C5orf63: variants seen among roughly 807,000 people sequenced by gnomAD.
C5orf63 encodes the protein chromosome 5 open reading frame 63, also known as glutaredoxin-like protein C5orf63.
A neutral mutation model predicts 13.3 loss-of-function variants in C5orf63; 18 were observed. The ratio of observed to expected loss-of-function variants is 1.36; its 90% CI spans 0.94 to 2.01. C5orf63 has a LOEUF of 2.01. Ranked by LOEUF, C5orf63 falls within the 30% of genes most tolerant of loss-of-function variation. C5orf63 has a pLI of 0.00. For missense variants in C5orf63, 118 were observed against 127.7 expected (o/e 0.92, Z 0.36); for synonymous variants, 38 against 44.7 (o/e 0.85, Z 0.60).
intron 3 of C5orf63, among the ~76,000 whole-genome samples, chr5:127,056,763 G>A (rs917266931): frequency 2.6e-5 from 4 of 152,194 alleles, no homozygotes; most frequent in African/African-American, 7.2e-5. Flanking sequence ...AAATCAAGCT[G>A]TTCCTGAAAC....
chr5:127,057,807 T>G (rs1031014738), intron 3 of C5orf63, among the ~76,000 whole-genome samples: 2 of 152,180 alleles, frequency 1.3e-5, no homozygotes, highest in Non-Finnish European at 1.5e-5. Flanking sequence ...AGTGCCAGGA[T>G]TTTTGCATTT....
At chr5:127,070,210 G>A (rs919128985) in intron 2 of C5orf63, among the ~76,000 whole-genome samples, 3 of 152,072 alleles carry the variant, frequency 2.0e-5, no homozygotes, top group Non-Finnish European at 4.4e-5. Context: ...TTTGAACCTG[G>A]AGAAATGGCT....
At chr5:127,051,258 T>C, downstream of C5orf63, 1 of 1,169,694 alleles carries the variant, frequency 8.5e-7, no homozygotes, top group Non-Finnish European at 1.1e-6. Flanking sequence ...AACTCTAATT[T>C]TAAACAGGTA....
rs762384203 is a variant in C5orf63, at chr5:127,051,890, A to G, written c.229T>C (p.Tyr77His). 25 of 1,533,546 alleles carry G rather than the reference A, an allele frequency of 1.6e-5. No homozygotes were observed. The highest frequency in any genetic ancestry group is 1.7e-6 in the Non-Finnish European group (2 of 1,145,502). The allele number at this position is 1,533,546 out of a possible 1,614,324, so 95.0% of individuals were successfully genotyped here. Reference sequence around the variant, plus strand: ...TGAAAGACAGGAATATCAAATTTATACCTTTCATACCAGACAGAGTTTTCT... The same window carrying G: ...TGAAAGACAGGAATATCAAATTTATGCCTTTCATACCAGACAGAGTTTTCT... ...LPENSVWYER[Y>H]KFDIPVFHLN... The change falls in exon 5 of 5, where the codon TAT becomes CAT. Residue 77 changes from tyrosine to histidine, a missense_variant. By Grantham distance (83) the Tyr-to-His change is moderately conservative (BLOSUM62 2). Coordinates refer to ENST00000296662, the MANE Select transcript of C5orf63 (RefSeq NM_001164478.2).
At position 127,064,331 on chromosome 5, in the gene C5orf63, C is replaced by T. The variant is rs1580533204; in HGVS notation, c.-7-5329G>A. 2.0e-5 allele frequency among the ~76,000 whole-genome samples: 3 copies of T among 152,178 alleles called. No homozygotes were observed. The South Asian group carries it at 6.2e-4, about 31-fold the overall frequency. On this transcript the variant is annotated intron_variant, in intron 2 of 4. Coordinates refer to ENST00000296662, the MANE Select transcript of C5orf63 (RefSeq NM_001164478.2). ...CAACCTGGAGTGCAGCTCTAACTCA[C>T]TGGCATAGGTGAGATCAGAGGTGCT...
chr5:127,054,153 C>T lies in C5orf63; in HGVS notation c.115-1484G>A, dbSNP rs575855332. 3.9e-5 allele frequency among the ~76,000 whole-genome samples: 6 copies of T among 152,188 alleles called. No individual in the cohort carries two copies. The East Asian group carries it at 1.2e-3, about 29-fold the overall frequency. On this transcript the variant is annotated intron_variant, in intron 3 of 4. Transcript: ENST00000296662. ...TTTATATTAAGAATTTTAGAAGAATCTAGATTGGGTTTTTTGTTTTGTTTT... is the reference window on the plus strand; with the variant it reads ...TTTATATTAAGAATTTTAGAAGAATTTAGATTGGGTTTTTTGTTTTGTTTT...
intron 2 of C5orf63, among the ~76,000 whole-genome samples, chr5:127,068,849 GAACAGT>G (rs1206475181): frequency 2.0e-5 from 3 of 152,150 alleles, no homozygotes; most frequent in Admixed American, 6.5e-5. Context: ...TGCCAATCAA[GAACAGT>G]AATGTACGCT....
At chr5:127,058,758 T>C in intron 3 of C5orf63, 124 bp downstream of exon 3, 1 of 634,334 alleles carries the variant, frequency 1.6e-6, no homozygotes, top group Non-Finnish European at 2.7e-6. Flanking sequence ...GCTGTTGTGC[T>C]GATAGAAAAA....
downstream of C5orf63, among the ~76,000 whole-genome samples, chr5:127,049,454 T>G (rs980403100): frequency 2.0e-5 from 3 of 152,164 alleles, no homozygotes; most frequent in African/African-American, 7.2e-5. Context: ...AGACCTAGCT[T>G]AAGTCTAATT....
intron 4 of C5orf63, chr5:127,052,399 C>G (rs1232578033): frequency 5.1e-6 from 2 of 395,634 alleles, no homozygotes; most frequent in Non-Finnish European, 8.9e-6. Context: ...TCAGTAAGAG[C>G]CAGAGTAAGA....
downstream of C5orf63, among the ~76,000 whole-genome samples, chr5:127,048,072 G>A (rs1377404437): frequency 4.6e-5 from 7 of 152,056 alleles, no homozygotes; most frequent in East Asian, 3.9e-4. Context: ...AATTACTGGC[G>A]ATGTCTTGCC....
At chr5:127,054,113 T>C (rs1753788061) in intron 3 of C5orf63, among the ~76,000 whole-genome samples, 2 of 152,190 alleles carry the variant, frequency 1.3e-5, no homozygotes, top group Non-Finnish European at 2.9e-5. Flanking sequence ...GTACCAAATG[T>C]GCTAAAATTT....
At chr5:127,049,941 T>C (rs546061122), downstream of C5orf63, among the ~76,000 whole-genome samples, 18 of 152,312 alleles carry the variant, frequency 1.2e-4, no homozygotes, top group South Asian at 2.7e-3. Flanking sequence ...CTGCTAGTTT[T>C]TGGCCGAGAA....
intron 2 of C5orf63, among the ~76,000 whole-genome samples, chr5:127,066,771 T>C (rs1238222569): frequency 4.6e-5 from 7 of 151,576 alleles, no homozygotes; most frequent in Non-Finnish European, 1.5e-5. Flanking sequence ...CATCTAAAAT[T>C]GTACAGAAAA....
downstream of C5orf63, chr5:127,046,406 A>G (rs1398354639): frequency 2.0e-5 from 3 of 152,258 alleles, no homozygotes; most frequent in South Asian, 2.1e-4. Flanking sequence ...ATATCTCCTG[A>G]TATCTCTTTC....
At chr5:127,066,298 G>T (rs1754330845) in intron 2 of C5orf63, among the ~76,000 whole-genome samples, 1 of 152,114 alleles carries the variant, frequency 6.6e-6, no homozygotes, top group Non-Finnish European at 1.5e-5. Flanking sequence ...GGAGGGAAAT[G>T]ACATGATCTC....
chr5:127,050,998 G>C (rs1753654541), downstream of C5orf63, among the ~76,000 whole-genome samples: 1 of 152,108 alleles, frequency 6.6e-6, no homozygotes, highest in South Asian at 2.1e-4. Flanking sequence ...ATATTTAGGA[G>C]TGACTTTTTC....
chr5:127,059,714 A>C (rs1214062469), intron 2 of C5orf63, among the ~76,000 whole-genome samples: 2 of 148,524 alleles, frequency 1.3e-5, no homozygotes, highest in South Asian at 4.4e-4. Flanking sequence ...GGGGATGGAC[A>C]TGAGATCTTA....
intron 3 of C5orf63, among the ~76,000 whole-genome samples, chr5:127,056,243 CT>C (rs1014540845): frequency 6.6e-6 from 1 of 152,156 alleles, no homozygotes; most frequent in South Asian, 2.1e-4. Context: ...AGCTATAAGG[CT>C]TTTGCTGGAG....
Sources: allele counts gnomAD v4.1 joint callset (sites outside exome capture counted in the v4.1 genomes callset), GRCh38; gene constraint gnomAD v4.1.1; transcripts MANE v1.5; gene names NCBI Gene and HGNC (gene_info 2026-07-23, HGNC 2026-07-21).